Variants in KCNN2 observed in about 807,000 individuals in gnomAD.
KCNN2 encodes small conductance calcium-activated potassium channel protein 2.
Under a neutral mutation model 55.5 loss-of-function variants are expected in KCNN2, and 24 were observed. The ratio of observed to expected loss-of-function variants is 0.43; its 90% CI spans 0.31 to 0.61. The LOEUF is 0.61. KCNN2 is among the 20% of genes least tolerant of loss of function. The pLI is 0.08. For synonymous variants in KCNN2, 431 were observed against 336.1 expected (o/e 1.28, Z -3.09); for missense variants, 754 against 853.6 (o/e 0.88, Z 1.45).
intron 2 of KCNN2, among the ~76,000 whole-genome samples, chr5:114,326,308 A>G (rs1376270627): frequency 6.6e-6 from 1 of 152,180 alleles, no homozygotes; most frequent in Non-Finnish European, 1.5e-5. Flanking sequence ...GGTTGAGGAA[A>G]CATGGACAAT....
intron 1 of KCNN2, among the ~76,000 whole-genome samples, chr5:114,205,321 CAG>C (rs940611820): frequency 6.6e-6 from 1 of 152,218 alleles, no homozygotes; most frequent in African/African-American, 2.4e-5. Flanking sequence ...GGCTACTTTA[CAG>C]TGGATTCTAA....
intron 1 of KCNN2, among the ~76,000 whole-genome samples, chr5:114,133,403 C>A (rs1752109273): frequency 6.6e-6 from 1 of 152,184 alleles, no homozygotes; most frequent in Non-Finnish European, 1.5e-5. Context: ...TTTGCATAGG[C>A]AGTGACTAGG....
intron 1 of KCNN2, among the ~76,000 whole-genome samples, chr5:114,077,482 G>A (rs1750706767): frequency 6.6e-6 from 1 of 152,166 alleles, no homozygotes; most frequent in African/African-American, 2.4e-5. Flanking sequence ...GACAACACTG[G>A]GTGCTCACAT....
chr5:114,270,873 T>A (rs1003212455), intron 2 of KCNN2, among the ~76,000 whole-genome samples: 3 of 152,188 alleles, frequency 2.0e-5, no homozygotes, highest in Non-Finnish European at 2.9e-5. Context: ...TGTCCACAGT[T>A]TCTTCCTTCG....
At chr5:114,490,114 G>A (rs544488833) in intron 6 of KCNN2, among the ~76,000 whole-genome samples, 168 of 152,150 alleles carry the variant, frequency 1.1e-3, no homozygotes, top group Non-Finnish European at 2.0e-3. Context: ...AACTTTTAAC[G>A]CTTTTTCTGG....
chr5:114,130,431 G>A (rs955579961), intron 1 of KCNN2, among the ~76,000 whole-genome samples: 22 of 152,172 alleles, frequency 1.4e-4, no homozygotes, highest in African/African-American at 5.1e-4. Flanking sequence ...ATGGGCTTTG[G>A]ATCTTTCCGT....
intron 1 of KCNN2, among the ~76,000 whole-genome samples, chr5:114,103,761 C>T (rs902033537): frequency 1.3e-5 from 2 of 152,142 alleles, no homozygotes; most frequent in Admixed American, 6.6e-5. Context: ...AGCCTTGCAT[C>T]CCAGGGATGA....
At chr5:114,124,494 G>T (rs1004825524) in intron 1 of KCNN2, among the ~76,000 whole-genome samples, 1 of 152,118 alleles carries the variant, frequency 6.6e-6, no homozygotes, top group Admixed American at 6.5e-5. Context: ...CCTGTGGGTG[G>T]TGAAGTAAGG....
At chr5:114,147,442 A>T (rs184131290) in intron 1 of KCNN2, among the ~76,000 whole-genome samples, 115 of 152,326 alleles carry the variant, frequency 7.5e-4, no homozygotes, top group African/African-American at 2.7e-3. Flanking sequence ...TTTGATCAAG[A>T]TATATTGAAA....
intron 1 of KCNN2, among the ~76,000 whole-genome samples, chr5:114,090,559 C>CTA (rs1256241448): frequency 3.7e-4 from 48 of 128,304 alleles, no homozygotes; most frequent in Middle Eastern, 4.0e-3. Context: ...CTCTCTCTCT[C>CTA]TCTATATATA....
chr5:114,349,625 G>T (rs1434322644), intron 2 of KCNN2, among the ~76,000 whole-genome samples: 1 of 152,002 alleles, frequency 6.6e-6, no homozygotes. Context: ...TACTCAACCT[G>T]TACCACATTT....
chr5:114,467,676 G>A (rs1042784691), intron 4 of KCNN2, among the ~76,000 whole-genome samples: 1 of 151,998 alleles, frequency 6.6e-6, no homozygotes, highest in Non-Finnish European at 1.5e-5. Context: ...TTCCCACCAA[G>A]AAATTTCATA....
At chr5:114,364,461 A>T (rs1283820348) in intron 2 of KCNN2, among the ~76,000 whole-genome samples, 1 of 152,166 alleles carries the variant, frequency 6.6e-6, no homozygotes, top group African/African-American at 2.4e-5. Flanking sequence ...CAGCTAATTT[A>T]TATAAATGAG....
At chr5:114,490,264 C>CAGT (rs1393825221) in intron 6 of KCNN2, among the ~76,000 whole-genome samples, 16 of 152,156 alleles carry the variant, frequency 1.1e-4, no homozygotes, top group Admixed American at 1.0e-3. Flanking sequence ...AAACCCCAGG[C>CAGT]TTCTGAGTTG....
At chr5:114,067,192 C>T (rs1448916361) in intron 1 of KCNN2, among the ~76,000 whole-genome samples, 4 of 152,096 alleles carry the variant, frequency 2.6e-5, no homozygotes, top group Admixed American at 2.6e-4. Context: ...AATTTTTGGG[C>T]CAGAGCAATA....
chr5:114,193,460 A>T (rs957324987), intron 1 of KCNN2, among the ~76,000 whole-genome samples: 1 of 152,156 alleles, frequency 6.6e-6, no homozygotes, highest in Non-Finnish European at 1.5e-5. Flanking sequence ...TGAGAGCCCA[A>T]GCCTTCAGAC....
At chr5:114,265,074 G>A (rs960673326) in intron 2 of KCNN2, among the ~76,000 whole-genome samples, 3 of 152,074 alleles carry the variant, frequency 2.0e-5, no homozygotes, top group Non-Finnish European at 4.4e-5. Flanking sequence ...ACTTTCTGAG[G>A]CATCATCTCC....
intron 3 of KCNN2, among the ~76,000 whole-genome samples, chr5:114,413,029 A>C (rs1046161172): frequency 6.6e-6 from 1 of 152,200 alleles, no homozygotes; most frequent in Admixed American, 6.5e-5. Flanking sequence ...TCTGATTCAT[A>C]CATACAGATA....
intron 1 of KCNN2, among the ~76,000 whole-genome samples, chr5:114,149,389 G>A (rs761096427): frequency 3.4e-4 from 52 of 152,250 alleles, no homozygotes; most frequent in Non-Finnish European, 6.3e-4. Flanking sequence ...ACAGTGCAGC[G>A]GGGCTCTTTC....
Sources: allele counts gnomAD v4.1 joint callset (sites outside exome capture counted in the v4.1 genomes callset), GRCh38; gene constraint gnomAD v4.1.1; transcripts MANE v1.5; gene names NCBI Gene and HGNC (gene_info 2026-07-23, HGNC 2026-07-21).